Variants in FMOD observed in about 807,000 individuals in gnomAD.
The protein encoded by FMOD is KSPG fibromodulin.
A neutral mutation model predicts 27.0 loss-of-function variants in FMOD; 15 were observed. That is an observed-to-expected ratio of 0.55 (90% CI 0.37 to 0.85). FMOD has a LOEUF of 0.85. Ranked by LOEUF, FMOD falls within the 40% of genes least tolerant of loss-of-function variation. The pLI is 0.00. For synonymous variants in FMOD, 210 were observed against 214.0 expected (o/e 0.98, Z 0.16); for missense variants, 460 against 483.2 (o/e 0.95, Z 0.45).
At chr1:203,350,499 C>G (rs1249754639) in intron 1 of FMOD, among the ~76,000 whole-genome samples, 1 of 152,100 alleles carries the variant, frequency 6.6e-6, no homozygotes, top group African/African-American at 2.4e-5. Context: ...ACCTGGATTG[C>G]ATCCCCACCC....
chr1:203,343,317 C>G lies in FMOD; in HGVS notation c.980-823G>C, dbSNP rs188405927. Among the ~76,000 whole-genome samples the G allele has an allele frequency of 1.7e-3, 262 of 152,296 alleles. 1 individual carries two copies. The highest frequency in any genetic ancestry group is 6.1e-3 in the African/African-American group (252 of 41,558). ...ATAAATCTTTCTGTTGCTATTAACC[C>G]TGTTGTCCCTCTGGTTGTCCTCTTT... is the stretch of plus-strand genomic sequence containing the variant. On this transcript the variant is annotated intron_variant, in intron 2 of 2. Coordinates refer to ENST00000354955, the MANE Select transcript of FMOD (RefSeq NM_002023.5).
At chr1:203,346,903 A>G (rs961031351) in intron 2 of FMOD, among the ~76,000 whole-genome samples, 9 of 152,270 alleles carry the variant, frequency 5.9e-5, no homozygotes, top group African/African-American at 2.2e-4. Flanking sequence ...TTCATCTCAG[A>G]CACGTGACAT....
rs149886220 is a variant in FMOD, at chr1:203,342,399, C to T, written c.1075G>A (p.Ala359Thr). The T allele has an allele frequency of 1.0e-3, 1,628 of 1,614,032 alleles. 4 individuals carry two copies. Among genetic ancestry groups the T allele is most frequent in the Non-Finnish European group, 1.0e-3 (1,186 of 1,179,980 alleles). Reference sequence around the variant, plus strand: ...CAGAGGGGCGCGTCGGCAGGCATGGCGCTGCGCTTGATCTCGTTCCCGTCC... The same window carrying T: ...CAGAGGGGCGCGTCGGCAGGCATGGTGCTGCGCTTGATCTCGTTCCCGTCC... Reference protein sequence around the residue: ...RLDGNEIKRSAMPADAPLCLR... With the variant: ...RLDGNEIKRSTMPADAPLCLR... Residue 359 changes from alanine to threonine, a missense_variant, in exon 3 of 3, where the codon GCC becomes ACC. Transcript: ENST00000354955.
intron 1 of FMOD, among the ~76,000 whole-genome samples, chr1:203,350,182 C>T (rs1658966240): frequency 6.6e-6 from 1 of 152,232 alleles, no homozygotes; most frequent in Admixed American, 6.5e-5. Context: ...GTGCACCCTG[C>T]CCACTTCAGC....
At chr1:203,346,435 G>A (rs141261757) in intron 2 of FMOD, among the ~76,000 whole-genome samples, 3 of 151,706 alleles carry the variant, frequency 2.0e-5, no homozygotes, top group African/African-American at 4.8e-5. Flanking sequence ...ACTAAAGGGA[G>A]CTGAAAATCA....
Position 203,341,597 on chromosome 1 carries a change from A to T in FMOD, c.*746T>A. On this transcript the variant is annotated 3_prime_UTR_variant, in exon 3 of 3. Transcript: ENST00000354955. ...CAGCTGCCAAAATATAGCCCTATAC[A>T]TTGATCTAAGCCTGAGGTTGGCTGT... 1 of 152,194 alleles carries T rather than the reference A, an allele frequency of 6.6e-6. No individual in the cohort carries two copies. The highest frequency in any genetic ancestry group is 2.1e-4 in the South Asian group (1 of 4,828). 9.4% of individuals were successfully genotyped at this position (152,194 alleles called of 1,614,324 possible). A position where few individuals can be genotyped will look rare whatever the true frequency, so the allele number is the denominator to read the frequency against.
rs1658781138 is a variant in FMOD at position 203,340,759 on chromosome 1, C to T, written c.*1584G>A. ...TGAAGAGCCCTGGGGCAGGGGGCAG[C>T]CTTGCCCCTCACATCGGAGCTCCTT... is the stretch of plus-strand genomic sequence containing the variant. On this transcript the variant is annotated 3_prime_UTR_variant, in exon 3 of 3. Coordinates refer to ENST00000354955, the MANE Select transcript of FMOD (RefSeq NM_002023.5). 6.6e-6 allele frequency: 1 copy of T among 152,240 alleles called. No individual in the cohort carries two copies. Among genetic ancestry groups the T allele is most frequent in the Non-Finnish European group, 1.5e-5 (1 of 68,032 alleles). The allele number at this position is 152,240 out of a possible 1,614,324, so 9.4% of individuals were successfully genotyped here.
intron 2 of FMOD, among the ~76,000 whole-genome samples, chr1:203,346,010 T>C (rs757465662): frequency 1.3e-5 from 2 of 152,076 alleles, no homozygotes; most frequent in Non-Finnish European, 2.9e-5. Context: ...TACATGATGG[T>C]GTCAGGCACT....
chr1:203,348,729 T>C lies in FMOD; in HGVS notation c.-7-452A>G, dbSNP rs577033061. On this transcript the variant is annotated intron_variant, in intron 1 of 2. Coordinates refer to ENST00000354955, the MANE Select transcript of FMOD (RefSeq NM_002023.5). ...TTGGATGTTCCGGGGAAATAGTATT[T>C]TTCTAAGAGTCCAAGGAGAAAGCCC... Among the ~76,000 whole-genome samples the C allele has an allele frequency of 9.2e-5, 14 of 152,304 alleles. No individual in the cohort carries two copies. In the South Asian group the frequency reaches 2.9e-3, roughly 32 times the overall value.
chr1:203,348,506 C>T (rs1401423809), intron 1 of FMOD, among the ~76,000 whole-genome samples: 1 of 152,144 alleles, frequency 6.6e-6, no homozygotes, highest in African/African-American at 2.4e-5. Flanking sequence ...TGCATTTTCC[C>T]CTGGTCATAG....
intron 2 of FMOD, 147 bp downstream of exon 2, chr1:203,347,145 A>G (rs1173758261): frequency 1.2e-6 from 1 of 850,040 alleles, no homozygotes; most frequent in African/African-American, 1.7e-5. Context: ...TCTTTTGTAC[A>G]GGGGTATGGC....
At position 203,342,306 on chromosome 1, in the gene FMOD, CG is replaced by C; in HGVS notation, c.*36del. 6.3e-7 allele frequency: 1 copy of C among 1,588,536 alleles called. No homozygotes were observed. The highest frequency in any genetic ancestry group is 8.6e-7 in the Non-Finnish European group (1 of 1,163,434). On this transcript the variant is annotated 3_prime_UTR_variant, in exon 3 of 3. Transcript: ENST00000354955. ...AACCAAACCATCAAGCCAAATGCCA[CG>C]GGGGCTCTCCGCCCAGTACCCGGTG...
At chr1:203,347,129 G>A (rs534370866) in intron 2 of FMOD, among the ~76,000 whole-genome samples, 163 bp downstream of exon 2, 1 of 152,320 alleles carries the variant, frequency 6.6e-6, no homozygotes, top group South Asian at 2.1e-4. Context: ...TAGTATAAGT[G>A]TATTCTCTTT....
In FMOD at chr1:203,342,289, C is replaced by A. The variant is rs538304008; in HGVS notation, c.*54G>T. ...CCTTCCAGCAAAAGCCAAACCAAAC[C>A]ATCAAGCCAAATGCCACGGGGGCTC... On this transcript the variant is annotated 3_prime_UTR_variant, in exon 3 of 3. Transcript: ENST00000354955. 6.4e-7 allele frequency: 1 copy of A among 1,573,512 alleles called. No homozygotes were observed. Among genetic ancestry groups the A allele is most frequent in the South Asian group, 1.2e-5 (1 of 86,614 alleles).
At position 203,342,184 on chromosome 1, in the gene FMOD, A is replaced by C. The variant is rs1658806154; in HGVS notation, c.*159T>G. The C allele has an allele frequency of 1.2e-6, 1 of 815,870 alleles. No homozygotes were observed. The highest frequency in any genetic ancestry group is 1.8e-6 in the Non-Finnish European group (1 of 542,142). 50.5% of individuals were successfully genotyped at this position (815,870 alleles called of 1,614,324 possible). ...CTCAGCAGAAGGCTGCCTGTCCCTG[A>C]TCGCCCCCCCTAACCCCACCTACAG... On this transcript the variant is annotated 3_prime_UTR_variant, in exon 3 of 3. Transcript: ENST00000354955.
Position 203,346,066 on chromosome 1 carries a change from G to A in FMOD, c.979+1226C>T, listed in dbSNP as rs113752933. Among the ~76,000 whole-genome samples, 1,400 of 152,162 alleles carry A rather than the reference G, an allele frequency of 9.2e-3. 20 individuals are homozygous for A. The highest frequency in any genetic ancestry group is 0.032 in the African/African-American group (1,339 of 41,498). ...AGATGCCTCTTTGCCTTGCCCACCC[G>A]ACTGTCAACTCCCAAATTGCCCTCT... On this transcript the variant is annotated intron_variant, in intron 2 of 2. Coordinates refer to ENST00000354955, the MANE Select transcript of FMOD (RefSeq NM_002023.5).
At position 203,341,955 on chromosome 1, in the gene FMOD, C is replaced by T. The variant is rs141634546; in HGVS notation, c.*388G>A. ...CGACCAGCCCAGCACAGAGGGAGAG[C>T]TGTCAAGTGCTGCTCACAGACAGCC... On this transcript the variant is annotated 3_prime_UTR_variant, in exon 3 of 3. Transcript: ENST00000354955. 298 of 169,322 alleles carry T rather than the reference C, an allele frequency of 1.8e-3. No homozygotes were observed. The highest frequency in any genetic ancestry group is 0.011 in the Middle Eastern group (4 of 366). The allele number at this position is 169,322 out of a possible 1,614,324, so 10.5% of individuals were successfully genotyped here. A position where few individuals can be genotyped will look rare whatever the true frequency, so the allele number is the denominator to read the frequency against.
At chr1:203,345,897 C>A (rs1326502711) in intron 2 of FMOD, among the ~76,000 whole-genome samples, 572 of 129,740 alleles carry the variant, frequency 4.4e-3, no homozygotes, top group Middle Eastern at 8.0e-3. Context: ...GACTCTGTCT[C>A]AAAAAAAAAA....
At position 203,348,295 on chromosome 1, in the gene FMOD, G is replaced by GA. The variant is rs753872532; in HGVS notation, c.-7-19dup. 1.1e-5 allele frequency: 18 copies of GA among 1,601,442 alleles called. No individual in the cohort carries two copies. The South Asian group carries it at 2.0e-4, about 18-fold the overall frequency. On this transcript the variant is annotated intron_variant, in intron 1 of 2. Coordinates refer to ENST00000354955, the MANE Select transcript of FMOD (RefSeq NM_002023.5). ...TTTTGTCTCTGCAAGAAGCGGGAGA[G>GA]AACAGAGCAAGCCAGCATGAGTGAG...
Sources: gnomAD v4.1 joint callset for allele counts (sites outside exome capture counted in the v4.1 genomes callset) on GRCh38, gnomAD v4.1.1 for gene constraint, MANE v1.5 for transcripts, NCBI Gene and HGNC (gene_info 2026-07-23, HGNC 2026-07-21) for gene names.